COG5: variants seen among roughly 807,000 people sequenced by gnomAD.
COG5 encodes component of oligomeric golgi complex 5.
COG5 carries 86 observed loss-of-function variants against 110.4 expected under a neutral mutation model. The ratio of observed to expected loss-of-function variants is 0.78; its 90% CI spans 0.65 to 0.93. COG5 has a LOEUF of 0.93. Among genes scored for constraint, COG5 ranks in the 40% least tolerant of loss-of-function variants. The pLI, the probability that COG5 is intolerant of heterozygous loss-of-function variation, is 0.00. For missense variants in COG5, 1,077 were observed against 987.0 expected (o/e 1.09, Z -1.22); for synonymous variants, 360 against 334.6 (o/e 1.08, Z -0.83).
chr7:107,465,856 G>T (rs756483989), intron 6 of COG5, among the ~76,000 whole-genome samples: 2 of 152,068 alleles, frequency 1.3e-5, no homozygotes, highest in Non-Finnish European at 2.9e-5. Context: ...TATCTAACTA[G>T]TATCAATAAC....
chr7:107,303,304 C>T (rs980079805), intron 11 of COG5, among the ~76,000 whole-genome samples: 5 of 152,054 alleles, frequency 3.3e-5, no homozygotes, highest in African/African-American at 1.2e-4. Context: ...TTAAGCCAAA[C>T]TTTGTCTATA....
In COG5 at chr7:107,258,261, T is replaced by C. The variant is rs753411527; in HGVS notation, c.1686+12A>G. 7 of 1,517,872 alleles carry C rather than the reference T, an allele frequency of 4.6e-6. No individual in the cohort carries two copies. The highest frequency in any genetic ancestry group is 1.7e-4 in the Middle Eastern group (1 of 5,858). The allele number at this position is 1,517,872 out of a possible 1,614,324, so 94.0% of individuals were successfully genotyped here. A position where few individuals can be genotyped will look rare whatever the true frequency, so the allele number is the denominator to read the frequency against. ...TAAAATTAAGTAAAAAAAAACTTAATAAAATAGTTACCTTTGTTACTGATT... is the reference window on the plus strand; with the variant it reads ...TAAAATTAAGTAAAAAAAAACTTAACAAAATAGTTACCTTTGTTACTGATT... On this transcript the variant is annotated intron_variant, in intron 15 of 21. Transcript: ENST00000297135.
At chr7:107,517,666 A>C (rs539173234) in intron 6 of COG5, among the ~76,000 whole-genome samples, 2 of 151,600 alleles carry the variant, frequency 1.3e-5, no homozygotes, top group African/African-American at 2.4e-5. Flanking sequence ...AAACTCTACA[A>C]GCCAGAAGAG....
At chr7:107,288,461 C>T (rs977332728) in intron 12 of COG5, among the ~76,000 whole-genome samples, 3 of 152,128 alleles carry the variant, frequency 2.0e-5, no homozygotes, top group African/African-American at 7.2e-5. Context: ...TCTCAACATC[C>T]TTGACAACAC....
intron 7 of COG5, among the ~76,000 whole-genome samples, chr7:107,381,952 T>G (rs1815159843): frequency 6.6e-6 from 1 of 152,214 alleles, no homozygotes; most frequent in Non-Finnish European, 1.5e-5. Flanking sequence ...CTGTGAGTAT[T>G]CTTATGGCAA....
At chr7:107,243,751 T>C (rs566480066) in intron 17 of COG5, among the ~76,000 whole-genome samples, 6 of 152,206 alleles carry the variant, frequency 3.9e-5, no homozygotes, top group East Asian at 1.9e-4. Flanking sequence ...TACACTAATA[T>C]TGACCTCATA....
At chr7:107,426,665 T>C (rs1021749593) in intron 6 of COG5, among the ~76,000 whole-genome samples, 3 of 152,164 alleles carry the variant, frequency 2.0e-5, no homozygotes, top group Admixed American at 2.0e-4. Flanking sequence ...CCCTTCCTCC[T>C]AATATCACCA....
At chr7:107,379,485 TAA>T (rs1201237863) in intron 7 of COG5, among the ~76,000 whole-genome samples, 1 of 149,696 alleles carries the variant, frequency 6.7e-6, no homozygotes. Flanking sequence ...GTAAATTGGA[TAA>T]AGAGTCAAGA....
At chr7:107,303,127 A>C (rs1807415512) in intron 11 of COG5, among the ~76,000 whole-genome samples, 1 of 151,876 alleles carries the variant, frequency 6.6e-6, no homozygotes, top group Non-Finnish European at 1.5e-5. Flanking sequence ...ATGAGGTCTC[A>C]CTTTGTTGCC....
At chr7:107,209,088 C>A in intron 21 of COG5, 1 of 985,372 alleles carries the variant, frequency 1.0e-6, no homozygotes, top group African/African-American at 1.7e-5. Flanking sequence ...TTTAGAACCA[C>A]CTCATCATGT....
intron 19 of COG5, among the ~76,000 whole-genome samples, chr7:107,229,327 T>C (rs529664653): frequency 1.3e-5 from 2 of 152,244 alleles, no homozygotes; most frequent in East Asian, 1.9e-4. Flanking sequence ...CGTGTTCCTG[T>C]AATCCCAGCT....
rs182067610 is a variant in COG5, at chr7:107,519,878, C to T, written c.538+7359G>A. Among the ~76,000 whole-genome samples, 20 of 152,222 alleles carry T rather than the reference C, an allele frequency of 1.3e-4. No homozygotes were observed. In the East Asian group the frequency reaches 3.9e-3, roughly 29 times the overall value. ...TCAGGCGAATATCCCTGATGAACATCGATGTGAAAATCCTCAATAAAATAC... is the reference window on the plus strand; with the variant it reads ...TCAGGCGAATATCCCTGATGAACATTGATGTGAAAATCCTCAATAAAATAC... On this transcript the variant is annotated intron_variant, in intron 6 of 21. Transcript: ENST00000297135.
chr7:107,419,346 C>T (rs1220219967), intron 6 of COG5, among the ~76,000 whole-genome samples: 1 of 151,478 alleles, frequency 6.6e-6, no homozygotes, highest in Non-Finnish European at 1.5e-5. Flanking sequence ...TATATAAAAC[C>T]AATAATTTAA....
rs561928255 is a variant in COG5 at position 107,373,049 on chromosome 7, G to A, written c.670-289C>T. Among the ~76,000 whole-genome samples the A allele has an allele frequency of 2.0e-5, 3 of 151,670 alleles. No homozygotes were observed. The South Asian group carries it at 6.3e-4, about 32-fold the overall frequency. ...TTTGAAAGTCTGTTGTATAATATTC[G>A]AGCTTATTTAAAATCTACCACCAAT... On this transcript the variant is annotated intron_variant, in intron 7 of 21. Transcript: ENST00000297135.
intron 7 of COG5, among the ~76,000 whole-genome samples, chr7:107,409,587 A>C: frequency 6.6e-6 from 1 of 152,240 alleles, no homozygotes; most frequent in South Asian, 2.1e-4. Context: ...TTAACATTGA[A>C]GAATCCTTTT....
At chr7:107,558,874 C>A (rs1584966788) in intron 1 of COG5, among the ~76,000 whole-genome samples, 1 of 101,706 alleles carries the variant, frequency 9.8e-6, no homozygotes, top group African/African-American at 3.9e-5. Context: ...GGCGACAGAG[C>A]AAGACTCTGT....
chr7:107,321,669 C>A (rs990409980), intron 11 of COG5, among the ~76,000 whole-genome samples: 3 of 151,960 alleles, frequency 2.0e-5, no homozygotes, highest in Non-Finnish European at 4.4e-5. Flanking sequence ...AGTCAATAGG[C>A]AGAGAATAAT....
At chr7:107,257,945 A>C (rs1803006744) in intron 15 of COG5, among the ~76,000 whole-genome samples, 1 of 152,172 alleles carries the variant, frequency 6.6e-6, no homozygotes, top group South Asian at 2.1e-4. Context: ...GCTATAATTT[A>C]CTACCATCCA....
chr7:107,472,495 T>C (rs565948658), intron 6 of COG5: 3 of 151,980 alleles, frequency 2.0e-5, no homozygotes, highest in Non-Finnish European at 4.4e-5. Flanking sequence ...TTAATCATCA[T>C]TTAACTTGAC....
Sources: allele counts gnomAD v4.1 joint callset (sites outside exome capture counted in the v4.1 genomes callset), GRCh38; gene constraint gnomAD v4.1.1; transcripts MANE v1.5; gene names NCBI Gene and HGNC (gene_info 2026-07-23, HGNC 2026-07-21).